The following SPMAP1 variants were observed in gnomAD, a reference collection of about 807,000 sequenced individuals.
SPMAP1 encodes sperm microtubule associated protein 1, also known as uncharacterized protein C17orf98.
At chr17:38,841,134 G>T in the SPMAP1 span, 1 of 1,447,206 alleles carries the variant, frequency 6.9e-7, no homozygotes, top group South Asian at 1.2e-5. Flanking sequence ...GAGAACGCTG[G>T]AGTGAAGATT....
At chr17:38,835,225 G>A in the SPMAP1 span, 20 of 1,614,106 alleles carry the variant, frequency 1.2e-5, no homozygotes, top group Middle Eastern at 1.6e-4. Flanking sequence ...CTCCGAAGAC[G>A]GACGTGCTCT....
At chr17:38,839,085 C>CAAAA in the SPMAP1 span, among the ~76,000 whole-genome samples, 5 of 63,854 alleles carry the variant, frequency 7.8e-5, no homozygotes, top group East Asian at 7.3e-4. Flanking sequence ...GACTCTGTCT[C>CAAAA]AAAAAAAAAA....
At chr17:38,838,430 T>C in the SPMAP1 span, among the ~76,000 whole-genome samples, 2 of 151,674 alleles carry the variant, frequency 1.3e-5, no homozygotes. Flanking sequence ...CTAAACCCGG[T>C]GTCTACTAAA....
the SPMAP1 span, among the ~76,000 whole-genome samples, chr17:38,840,666 C>A: frequency 8.3e-5 from 11 of 133,102 alleles, no homozygotes; most frequent in East Asian, 2.5e-3. Flanking sequence ...ATTAGCCCGG[C>A]GTGATGGCGC....
At chr17:38,837,488 C>T in the SPMAP1 span, among the ~76,000 whole-genome samples, 2 of 152,044 alleles carry the variant, frequency 1.3e-5, no homozygotes, top group Non-Finnish European at 2.9e-5. Flanking sequence ...ACCAGCCTTG[C>T]CAACATGGTG....
chr17:38,840,700 C>T, the SPMAP1 span, among the ~76,000 whole-genome samples: 4 of 145,744 alleles, frequency 2.7e-5, no homozygotes, highest in African/African-American at 1.0e-4. Flanking sequence ...CGGCTAATCG[C>T]GAGGCTGAGG....
chr17:38,835,762 C>T, the SPMAP1 span, among the ~76,000 whole-genome samples: 1 of 152,138 alleles, frequency 6.6e-6, no homozygotes, highest in Non-Finnish European at 1.5e-5. Context: ...AGAGGAGTGG[C>T]CCAGGATGGT....
At chr17:38,839,614 C>T in the SPMAP1 span, among the ~76,000 whole-genome samples, 8 of 152,080 alleles carry the variant, frequency 5.3e-5, no homozygotes, top group African/African-American at 1.9e-4. Flanking sequence ...AGTGAAACCC[C>T]GTCTCTACTA....
chr17:38,841,382 T>C, the SPMAP1 span: 94 of 1,613,848 alleles, frequency 5.8e-5, no homozygotes, highest in Non-Finnish European at 7.6e-5. Flanking sequence ...CTCGCTCAGG[T>C]ACGCCATCCC....
At chr17:38,837,594 C>A in the SPMAP1 span, among the ~76,000 whole-genome samples, 2 of 151,480 alleles carry the variant, frequency 1.3e-5, no homozygotes. Context: ...GGTACAATTG[C>A]TTGAACCCCG....
At chr17:38,841,249 C>T in the SPMAP1 span, 1 of 1,614,184 alleles carries the variant, frequency 6.2e-7, no homozygotes, top group Non-Finnish European at 8.5e-7. Flanking sequence ...CGTGGTAGTC[C>T]TGCTGCGCGT....
chr17:38,840,195 GC>G, the SPMAP1 span, among the ~76,000 whole-genome samples: 1 of 152,154 alleles, frequency 6.6e-6, no homozygotes, highest in Non-Finnish European at 1.5e-5. Flanking sequence ...CGGAGAGCAA[GC>G]CCCATGCCCT....
chr17:38,837,376 T>C, the SPMAP1 span: 2 of 681,922 alleles, frequency 2.9e-6, no homozygotes, highest in African/African-American at 1.8e-5. Context: ...GCAGACAGAT[T>C]AAATATATTT....
At chr17:38,841,178 T>C in the SPMAP1 span, 4 of 1,613,006 alleles carry the variant, frequency 2.5e-6, no homozygotes, top group African/African-American at 1.3e-5. Context: ...GGGAAGCTCC[T>C]ATACCTGATC....
At chr17:38,841,033 CTT>C in the SPMAP1 span, 1 of 584,458 alleles carries the variant, frequency 1.7e-6, no homozygotes, top group Non-Finnish European at 2.9e-6. Flanking sequence ...CAGAGCGAGA[CTT>C]TGTCTCAAAA....
At chr17:38,837,689 A>AAAAT in the SPMAP1 span, among the ~76,000 whole-genome samples, 1 of 151,688 alleles carries the variant, frequency 6.6e-6, no homozygotes. Context: ...AAAAAAAAAA[A>AAAAT]AAAGAAAAAA....
the SPMAP1 span, chr17:38,837,264 G>T: frequency 1.3e-6 from 2 of 1,516,198 alleles, no homozygotes. Flanking sequence ...AGAGAAAGTG[G>T]GCAAGAACAC....
At chr17:38,838,747 C>T in the SPMAP1 span, among the ~76,000 whole-genome samples, 3 of 152,078 alleles carry the variant, frequency 2.0e-5, no homozygotes, top group African/African-American at 7.2e-5. Flanking sequence ...CACTTCCAGC[C>T]TGTGTGACAG....
the SPMAP1 span, among the ~76,000 whole-genome samples, chr17:38,840,617 C>CAAAAAAAAAAAAAAAA: frequency 2.1e-5 from 1 of 48,696 alleles, no homozygotes; most frequent in African/African-American, 9.0e-5. Context: ...CCCCTCTCTA[C>CAAAAAAAAAAAAAAAA]AAAAAAAAAA....
Sources: allele counts gnomAD v4.1 joint callset (sites outside exome capture counted in the v4.1 genomes callset), GRCh38; gene constraint gnomAD v4.1.1; transcripts MANE v1.5; gene names NCBI Gene and HGNC (gene_info 2026-07-23, HGNC 2026-07-21).